DDX54: variants seen among roughly 807,000 people sequenced by gnomAD.
The protein encoded by DDX54 is DEAD-box helicase 54.
DDX54 carries 67 observed loss-of-function variants against 105.5 expected under a neutral mutation model. The observed-to-expected ratio is 0.64, with a 90% CI of 0.52 to 0.78. DDX54 has a LOEUF of 0.78. Ranked by LOEUF, DDX54 falls within the 30% of genes least tolerant of loss-of-function variation. The probability of loss-of-function intolerance (pLI) is 0.00; values close to 1 mark genes in which losing one functional copy is unlikely to be tolerated. For synonymous variants in DDX54, 514 were observed against 509.9 expected (o/e 1.01, Z -0.11); for missense variants, 1,206 against 1,230.5 (o/e 0.98, Z 0.30).
intron 14 of DDX54, 101 bp downstream of exon 14, chr12:113,165,543 G>T: frequency 1.6e-6 from 2 of 1,280,018 alleles, no homozygotes; most frequent in Non-Finnish European, 2.1e-6. Context: ...CTGAGTCCTG[G>T]CACCACCGTT....
Position 113,181,019 on chromosome 12 carries a change from C to G in DDX54, c.214G>C (p.Glu72Gln). 1.9e-6 allele frequency: 3 copies of G among 1,613,320 alleles called. No homozygotes were observed. ...TCCGGCTCCACATCCGAGGTGCATT[C>G]CGAGGTGGGGAAGGTGGGCAGGGGT... ...GRPLPTFPTS[E>Q]CTSDVEPDTR... is the part of the protein sequence containing the mutation. Residue 72 changes from glutamate to glutamine, a missense_variant, in exon 2 of 20, where the codon GAA (glutamate) becomes CAA (glutamine). This residue lies in a region of DDX54 where 212 missense variants were observed against 155.4 expected (regional missense o/e 1.36). Coordinates refer to ENST00000306014, the MANE Select transcript of DDX54 (RefSeq NM_024072.4).
intron 19 of DDX54, chr12:113,159,408 T>A: frequency 2.2e-6 from 1 of 450,136 alleles, no homozygotes; most frequent in Non-Finnish European, 3.9e-6. Context: ...TCACAGCACC[T>A]CCCTCATGGG....
At chr12:113,178,514 C>T (rs1952430758) in intron 5 of DDX54, 1 of 157,180 alleles carries the variant, frequency 6.4e-6, no homozygotes, top group African/African-American at 2.4e-5. Flanking sequence ...TACCACTGGA[C>T]CAGCCTTCTT....
rs1200452974 is a variant in DDX54 at position 113,175,240 on chromosome 12, C to T, written c.753-83G>A. On this transcript the variant is annotated intron_variant, in intron 7 of 19. Transcript: ENST00000306014. ...ACCGCAGCCATCCTTGTCCCCACAA[C>T]TTCTGCAGTGTCCCAGGGCTTGCCT... 2.7e-6 allele frequency: 4 copies of T among 1,500,604 alleles called. No homozygotes were observed. In the African/African-American group the frequency reaches 5.5e-5, roughly 21 times the overall value. 93.0% of individuals were successfully genotyped at this position (1,500,604 alleles called of 1,614,324 possible). A position where few individuals can be genotyped will look rare whatever the true frequency, so the allele number is the denominator to read the frequency against.
At chr12:113,165,121 C>T (rs1287851194) in intron 14 of DDX54, among the ~76,000 whole-genome samples, 1 of 152,240 alleles carries the variant, frequency 6.6e-6, no homozygotes, top group Non-Finnish European at 1.5e-5. Context: ...GTCCATTTGA[C>T]TTCAAAACCG....
chr12:113,161,243 A>C (rs1279799659), intron 19 of DDX54, 27 bp downstream of exon 19: 2 of 1,582,734 alleles, frequency 1.3e-6, no homozygotes, highest in Admixed American at 3.4e-5. Flanking sequence ...CTACCTGTGC[A>C]CCCACACTCC....
chr12:113,166,688 C>G (rs1437309752), intron 12 of DDX54, among the ~76,000 whole-genome samples: 1 of 151,734 alleles, frequency 6.6e-6, no homozygotes, highest in Non-Finnish European at 1.5e-5. Flanking sequence ...GGTGACAGAA[C>G]AAGACTTTGT....
chr12:113,182,807 T>G lies in DDX54; in HGVS notation c.175-1749A>C, dbSNP rs185516145. On this transcript the variant is annotated intron_variant, in intron 1 of 19. Transcript: ENST00000306014. ...CCCGACCTCAAGTGATCCGCTCACC[T>G]TGGCCTCCCAAAGTGCTCGGATTAC... Among the ~76,000 whole-genome samples the G allele has an allele frequency of 2.4e-3, 370 of 152,202 alleles. 3 individuals are homozygous for G. Among genetic ancestry groups the G allele is most frequent in the East Asian group, 8.9e-3 (46 of 5,172 alleles).
At position 113,181,076 on chromosome 12, in the gene DDX54, A is replaced by G; in HGVS notation, c.175-18T>C. 2 of 1,607,764 alleles carry G rather than the reference A, an allele frequency of 1.2e-6. No homozygotes were observed. Among genetic ancestry groups the G allele is most frequent in the Non-Finnish European group, 1.7e-6 (2 of 1,177,566 alleles). ...GGTCCCAGCTGGGAGGGAAGGACAGAGAGGTGGTGTCACTCCAGGCACAGT... is the reference window on the plus strand; with the variant it reads ...GGTCCCAGCTGGGAGGGAAGGACAGGGAGGTGGTGTCACTCCAGGCACAGT... On this transcript the variant is annotated intron_variant, in intron 1 of 19. Transcript: ENST00000306014.
rs933090458 is a variant in DDX54, at chr12:113,163,649, A to G, written c.1939-375T>C. Among the ~76,000 whole-genome samples the G allele has an allele frequency of 2.0e-5, 3 of 151,988 alleles. No individual in the cohort carries two copies. Among genetic ancestry groups the G allele is most frequent in the Non-Finnish European group, 2.9e-5 (2 of 67,962 alleles). ...ACATGGACTAGGCCAGGGGTCTCCA[A>G]CTGGTCTTCTTGGCTACTGAACCCT... On this transcript the variant is annotated intron_variant, in intron 15 of 19. Transcript: ENST00000306014. The surrounding 1 kb of genome is among the most constrained non-coding windows in gnomAD (Gnocchi z 5.9).
At chr12:113,176,190 G>A (rs185847901) in intron 7 of DDX54, among the ~76,000 whole-genome samples, 4 of 152,286 alleles carry the variant, frequency 2.6e-5, no homozygotes, top group Admixed American at 6.5e-5. Flanking sequence ...AGCTGAAGTC[G>A]CAGAGCTAGG....
Position 113,172,361 on chromosome 12 carries a change from T to G in DDX54, c.1271A>C (p.His424Pro). 6.2e-7 allele frequency: 1 copy of G among 1,613,962 alleles called. No homozygotes were observed. The change falls in exon 11 of 20, where the codon CAC (histidine) becomes CCC (proline). Residue 424 changes from histidine to proline, a missense_variant. By Grantham distance (77) the His-to-Pro change is moderately conservative. Transcript: ENST00000306014. Reference sequence around the variant, plus strand: ...AGCCACGGGCTGCTTACCCACGCGGTGCAGGAAGAGTTTGCCCTTGGCGGG... The same window carrying G: ...AGCCACGGGCTGCTTACCCACGCGGGGCAGGAAGAGTTTGCCCTTGGCGGG... The part of the protein sequence containing the change: ...SFPAKGKLFL[H>P]RVGRVARAGR...
At chr12:113,177,191 G>A in intron 5 of DDX54, 98 bp from the exon 6 acceptor site, 1 of 1,429,034 alleles carries the variant, frequency 7.0e-7, no homozygotes, top group East Asian at 2.3e-5. Context: ...CCCATCCCCA[G>A]GAACACAGAC....
intron 5 of DDX54, among the ~76,000 whole-genome samples, chr12:113,177,914 C>T (rs2136324791): frequency 6.6e-6 from 1 of 152,314 alleles, no homozygotes; most frequent in Admixed American, 6.5e-5. Flanking sequence ...CTATTACAAA[C>T]ATCCCTCGAT....
At chr12:113,174,525 G>A (rs1952375550) in intron 10 of DDX54, 115 bp downstream of exon 10, 1 of 1,417,156 alleles carries the variant, frequency 7.1e-7, no homozygotes, top group South Asian at 1.4e-5. Context: ...ACCATCTTGA[G>A]CCCAGGCCCA....
intron 12 of DDX54, among the ~76,000 whole-genome samples, chr12:113,168,333 G>A (rs1475998039): frequency 6.6e-6 from 1 of 152,240 alleles, no homozygotes; most frequent in African/African-American, 2.4e-5. Context: ...TAGGCTGTCC[G>A]GAGGAAGCCG....
intron 17 of DDX54, 118 bp from the exon 18 acceptor site, chr12:113,162,115 A>G: frequency 1.1e-6 from 1 of 923,704 alleles, no homozygotes; most frequent in African/African-American, 1.6e-5. Context: ...CATTAAAGGA[A>G]AGCAGTGCAG....
chr12:113,184,794 C>G (rs1486908285), intron 1 of DDX54, among the ~76,000 whole-genome samples: 1 of 152,170 alleles, frequency 6.6e-6, no homozygotes, highest in Admixed American at 6.5e-5. Context: ...CAACTGCACT[C>G]CGGCATGAGC....
chr12:113,161,254 C>T lies in DDX54; in HGVS notation c.2413+16G>A, dbSNP rs1222791219. 6.2e-7 allele frequency: 1 copy of T among 1,602,746 alleles called. No homozygotes were observed. On this transcript the variant is annotated intron_variant, in intron 19 of 19. Coordinates refer to ENST00000306014, the MANE Select transcript of DDX54 (RefSeq NM_024072.4). ...CTGCCTACCTGTGCACCCACACTCC[C>T]CACCCTGGCTCTCACCTTGGCCACG...
Sources: allele counts gnomAD v4.1 joint callset (sites outside exome capture counted in the v4.1 genomes callset), GRCh38; gene constraint gnomAD v4.1.1; regional missense constraint gnomAD v4.1.1; non-coding constraint Gnocchi (gnomAD v3.1); transcripts MANE v1.5; gene names NCBI Gene and HGNC (gene_info 2026-07-23, HGNC 2026-07-21).